The following CDH13 variants were observed in gnomAD, a reference collection of about 807,000 sequenced individuals.
CDH13 encodes cadherin-13.
Under a neutral mutation model 63.8 loss-of-function variants are expected in CDH13, and 24 were observed. The ratio of observed to expected loss-of-function variants is 0.38; its 90% CI spans 0.27 to 0.53. The LOEUF is 0.53. Ranked by LOEUF, CDH13 falls within the 20% of genes least tolerant of loss-of-function variation. CDH13 has a pLI of 0.85. For synonymous variants in CDH13, 503 were observed against 355.3 expected, an observed-to-expected ratio of 1.42 and a Z score of -4.67; for missense variants, 1,049 against 903.1, an observed-to-expected ratio of 1.16 and a Z score of -2.07.
intron 10 of CDH13, among the ~76,000 whole-genome samples, chr16:83,712,346 A>T (rs1398447162): frequency 6.6e-6 from 1 of 152,180 alleles, no homozygotes; most frequent in East Asian, 1.9e-4. Context: ...GTCTAGGCAC[A>T]CCTGGTTTGG....
intron 4 of CDH13, among the ~76,000 whole-genome samples, chr16:83,199,206 C>G (rs2038958105): frequency 6.6e-6 from 1 of 152,230 alleles, no homozygotes; most frequent in Middle Eastern, 3.2e-3. Context: ...CAGTTAGCAC[C>G]CACGGTGCCA....
intron 3 of CDH13, among the ~76,000 whole-genome samples, chr16:83,119,987 C>G (rs907461507): frequency 1.3e-5 from 2 of 152,174 alleles, no homozygotes; most frequent in Admixed American, 1.3e-4. Context: ...TGAAGTTTCT[C>G]CTAATGTCAG....
At chr16:82,865,298 AT>A (rs1207997604) in intron 2 of CDH13, among the ~76,000 whole-genome samples, 1 of 152,122 alleles carries the variant, frequency 6.6e-6, no homozygotes, top group Non-Finnish European at 1.5e-5. Flanking sequence ...CTGTGTGGGG[AT>A]TTCAACCCCA....
At chr16:83,040,809 A>C (rs1344304941) in intron 3 of CDH13, among the ~76,000 whole-genome samples, 1 of 152,188 alleles carries the variant, frequency 6.6e-6, no homozygotes, top group Non-Finnish European at 1.5e-5. Context: ...GTCTCACAAC[A>C]AACTGGAGTT....
At chr16:83,149,266 G>A (rs1476332361) in intron 4 of CDH13, among the ~76,000 whole-genome samples, 1 of 152,170 alleles carries the variant, frequency 6.6e-6, no homozygotes, top group Non-Finnish European at 1.5e-5. Flanking sequence ...CCTGCTCTAA[G>A]GTTATTCCAT....
At chr16:83,373,995 C>T (rs185597698) in intron 6 of CDH13, among the ~76,000 whole-genome samples, 70 of 152,276 alleles carry the variant, frequency 4.6e-4, no homozygotes, top group Non-Finnish European at 7.3e-4. Flanking sequence ...AACAGGAAGT[C>T]GAAGGTCTTT....
chr16:83,606,758 A>G (rs916736494), intron 8 of CDH13, among the ~76,000 whole-genome samples: 1 of 148,562 alleles, frequency 6.7e-6, no homozygotes, highest in Non-Finnish European at 1.5e-5. Context: ...AGGTAGACAG[A>G]CCCAGGCCAG....
At chr16:83,718,718 C>G (rs953652277) in intron 10 of CDH13, among the ~76,000 whole-genome samples, 2 of 152,108 alleles carry the variant, frequency 1.3e-5, no homozygotes, top group African/African-American at 4.8e-5. Flanking sequence ...CCAGCTTGGC[C>G]CACACTCTTG....
intron 1 of CDH13, among the ~76,000 whole-genome samples, chr16:82,702,917 G>A (rs970765173): frequency 2.6e-5 from 4 of 152,030 alleles, no homozygotes; most frequent in Non-Finnish European, 5.9e-5. Flanking sequence ...TCCCCTCATT[G>A]GTTGGCTATG....
At chr16:82,931,310 C>T (rs1319389097) in intron 2 of CDH13, among the ~76,000 whole-genome samples, 1 of 152,026 alleles carries the variant, frequency 6.6e-6, no homozygotes, top group Admixed American at 6.5e-5. Flanking sequence ...AACAAACAAA[C>T]AAAAAATGGT....
intron 5 of CDH13, among the ~76,000 whole-genome samples, chr16:83,340,157 A>G (rs1266040649): frequency 6.6e-6 from 1 of 152,244 alleles, no homozygotes; most frequent in African/African-American, 2.4e-5. Flanking sequence ...AAAAGTGATC[A>G]GACAAAATAT....
At chr16:82,677,206 C>T (rs1914028209) in intron 1 of CDH13, among the ~76,000 whole-genome samples, 1 of 152,122 alleles carries the variant, frequency 6.6e-6, no homozygotes, top group African/African-American at 2.4e-5. Context: ...GCATATTGCT[C>T]TCTGTACGGA....
intron 4 of CDH13, among the ~76,000 whole-genome samples, chr16:83,196,195 G>A (rs1157232947): frequency 6.6e-6 from 1 of 152,156 alleles, no homozygotes; most frequent in Non-Finnish European, 1.5e-5. Flanking sequence ...GGCGGAGGTT[G>A]CAGTGAGCCT....
chr16:83,733,244 G>C (rs1174185597), intron 10 of CDH13, among the ~76,000 whole-genome samples: 1 of 152,210 alleles, frequency 6.6e-6, no homozygotes, highest in East Asian at 1.9e-4. Context: ...AGAACAGCCA[G>C]CAGCATCACC....
At chr16:83,237,145 A>G (rs967913561) in intron 5 of CDH13, among the ~76,000 whole-genome samples, 24 of 152,134 alleles carry the variant, frequency 1.6e-4, no homozygotes, top group Non-Finnish European at 2.9e-4. Context: ...CAATTTTAGG[A>G]AATTGCAGCC....
intron 10 of CDH13, among the ~76,000 whole-genome samples, chr16:83,709,036 T>TA (rs554871068): frequency 8.7e-4 from 132 of 151,746 alleles, no homozygotes; most frequent in African/African-American, 3.1e-3. Context: ...AAAATTAAAT[T>TA]AAAAAATAAA....
intron 5 of CDH13, among the ~76,000 whole-genome samples, chr16:83,286,504 C>T (rs1223925640): frequency 6.6e-6 from 1 of 152,096 alleles, no homozygotes; most frequent in South Asian, 2.1e-4. Flanking sequence ...ACCTGTAATC[C>T]CAGCACTTTG....
chr16:83,304,112 C>T (rs1041615130), intron 5 of CDH13, among the ~76,000 whole-genome samples: 8 of 152,024 alleles, frequency 5.3e-5, no homozygotes, highest in East Asian at 1.9e-4. Context: ...ATGGGGGTAG[C>T]GCAGAGTCCA....
At chr16:83,169,823 T>C (rs1413978503) in intron 4 of CDH13, among the ~76,000 whole-genome samples, 1 of 152,140 alleles carries the variant, frequency 6.6e-6, no homozygotes. Flanking sequence ...ATGCGTATTC[T>C]CTTGTTTATA....
Sources: gnomAD v4.1 joint callset for allele counts (sites outside exome capture counted in the v4.1 genomes callset) on GRCh38, gnomAD v4.1.1 for gene constraint, MANE v1.5 for transcripts, NCBI Gene and HGNC (gene_info 2026-07-23, HGNC 2026-07-21) for gene names.